The following ZNF140 variants were observed in gnomAD, a reference collection of about 807,000 sequenced individuals.
The protein encoded by ZNF140 is zinc finger protein 140 (clone pHZ-39).
In ZNF140, 13 loss-of-function variants were observed where a neutral mutation model predicts 12.9. The ratio of observed to expected loss-of-function variants is 1.01; its 90% CI spans 0.66 to 1.60. ZNF140 has a LOEUF of 1.60. Ranked by LOEUF, ZNF140 falls within the 40% of genes most tolerant of loss-of-function variation. The pLI is 0.00. For missense variants in ZNF140, 531 were observed against 548.8 expected, an observed-to-expected ratio of 0.97 and a Z score of 0.32; for synonymous variants, 214 against 186.7, an observed-to-expected ratio of 1.15 and a Z score of -1.19.
At position 133,083,225 on chromosome 12, in the gene ZNF140, A is replaced by G; in HGVS notation, c.132A>G (p.Ser44=). Residue 44 remains serine, a synonymous_variant, in exon 3 of 5, where the codon TCA becomes TCG. Transcript: ENST00000355557. ...TGGAGAACTATGGCCATCTGGTCTC[A>G]CTGGGTAAGTATTCTTCTTCATCTC... ...VMLENYGHLV[S]LGLSISKPDV... 4 of 1,611,962 alleles carry G rather than the reference A, an allele frequency of 2.5e-6. No individual in the cohort carries two copies. The highest frequency in any genetic ancestry group is 2.2e-5 in the East Asian group (1 of 44,810).
At chr12:133,089,765 T>C (rs968070791) in intron 4 of ZNF140, among the ~76,000 whole-genome samples, 63 of 152,336 alleles carry the variant, frequency 4.1e-4, no homozygotes, top group African/African-American at 1.5e-3. Context: ...TAGAGGCTTA[T>C]TGATTTTAAT....
chr12:133,099,126 C>T lies in ZNF140; in HGVS notation c.233-6384C>T, dbSNP rs868767856. ...CCTAGACCTTGTGATCTGCCCGCCT[C>T]GGCCTCCCAAAGTGCTGGGATTACA... On this transcript the variant is annotated intron_variant, in intron 4 of 4. Coordinates refer to ENST00000355557, the MANE Select transcript of ZNF140 (RefSeq NM_003440.4). 7.6e-3 allele frequency among the ~76,000 whole-genome samples: 1,146 copies of T among 150,452 alleles called. 15 individuals carry two copies. Among genetic ancestry groups the T allele is most frequent in the African/African-American group, 0.027 (1,106 of 40,874 alleles).
chr12:133,098,481 C>T (rs886341366), intron 4 of ZNF140, among the ~76,000 whole-genome samples: 66 of 151,960 alleles, frequency 4.3e-4, no homozygotes, highest in Non-Finnish European at 1.3e-4. Flanking sequence ...CTTAAGTAAT[C>T]CACCTGCCTT....
At chr12:133,090,302 C>T (rs1160333349) in intron 4 of ZNF140, among the ~76,000 whole-genome samples, 1 of 152,004 alleles carries the variant, frequency 6.6e-6, no homozygotes, top group Non-Finnish European at 1.5e-5. Flanking sequence ...ACACTCCTGA[C>T]TAAATATTTT....
At chr12:133,083,353 C>T (rs1338395357) in intron 3 of ZNF140, 113 bp from the exon 4 acceptor site, 36 of 1,486,868 alleles carry the variant, frequency 2.4e-5, no homozygotes, top group Middle Eastern at 1.8e-4. Flanking sequence ...AAGATGGGGA[C>T]GTAACTGCAC....
chr12:133,105,220 G>A (rs1955546275), intron 4 of ZNF140, among the ~76,000 whole-genome samples: 1 of 152,118 alleles, frequency 6.6e-6, no homozygotes, highest in African/African-American at 2.4e-5. Flanking sequence ...TTTAAATGGT[G>A]GTGAAGAAGA....
chr12:133,098,335 C>T (rs990042861), intron 4 of ZNF140, among the ~76,000 whole-genome samples: 1 of 152,130 alleles, frequency 6.6e-6, no homozygotes, highest in Middle Eastern at 3.4e-3. Flanking sequence ...CTCCCGAGTT[C>T]AACAGATCCT....
intron 4 of ZNF140, among the ~76,000 whole-genome samples, chr12:133,095,983 C>T (rs900714777): frequency 3.2e-4 from 48 of 151,020 alleles, no homozygotes; most frequent in Non-Finnish European, 2.5e-4. Context: ...AGACAGTGGC[C>T]TTCCTCTATC....
chr12:133,090,143 C>A (rs796877971), intron 4 of ZNF140, among the ~76,000 whole-genome samples: 2,140 of 152,058 alleles, frequency 0.014, 40 homozygotes, highest in African/African-American at 0.049. Context: ...GCCACCACAC[C>A]CAGCCTATTT....
chr12:133,101,937 A>T (rs1194220070), intron 4 of ZNF140, among the ~76,000 whole-genome samples: 3 of 151,742 alleles, frequency 2.0e-5, no homozygotes, highest in African/African-American at 7.3e-5. Flanking sequence ...TCAGATTCTG[A>T]TGCTTGTTCA....
At position 133,106,546 on chromosome 12, in the gene ZNF140, C is replaced by A; in HGVS notation, c.1269C>A (p.Ser423Arg). The change falls in exon 5 of 5, where the codon AGC becomes AGA. Residue 423 changes from serine (S) to arginine (R), a missense_variant. By Grantham distance (110) the Ser-to-Arg change is moderately radical. Coordinates refer to ENST00000355557, the MANE Select transcript of ZNF140 (RefSeq NM_003440.4). ...GTAAGGTATGCAACAAATCCTTCAG[C>A]TGGAGCTCAAACCTTGCTAAACATC... ...YVCKVCNKSF[S>R]WSSNLAKHQR... 6.2e-7 allele frequency: 1 copy of A among 1,613,960 alleles called. No homozygotes were observed.
intron 1 of ZNF140, 79 bp from the exon 2 acceptor site, chr12:133,081,194 A>AT: frequency 1.7e-6 from 1 of 576,414 alleles, no homozygotes; most frequent in Non-Finnish European, 3.1e-6. Context: ...GGCCACGGGA[A>AT]TCCCCAGTGC....
At chr12:133,097,819 A>ATGTGTGTGTGGTGTGTGTGTGTGTGTG (rs1955184568) in intron 4 of ZNF140, among the ~76,000 whole-genome samples, 1 of 143,162 alleles carries the variant, frequency 7.0e-6, no homozygotes, top group African/African-American at 2.6e-5. Context: ...ACATCTAACC[A>ATGTGTGTGTGGTGTGTGTGTGTGTGTG]TGTGTGTGTG....
intron 4 of ZNF140, among the ~76,000 whole-genome samples, chr12:133,095,929 A>C (rs1015939934): frequency 1.3e-5 from 2 of 151,216 alleles, no homozygotes; most frequent in Admixed American, 6.6e-5. Context: ...CAAATGTACA[A>C]TCGGGTTTTA....
At chr12:133,083,415 C>T in intron 3 of ZNF140, 51 bp from the exon 4 acceptor site, 2 of 1,585,428 alleles carry the variant, frequency 1.3e-6, no homozygotes, top group South Asian at 1.1e-5. Context: ...TTTGTGGCCC[C>T]TCTTAGGATT....
intron 4 of ZNF140, among the ~76,000 whole-genome samples, chr12:133,094,769 T>G (rs1955008556): frequency 6.6e-6 from 1 of 150,990 alleles, no homozygotes; most frequent in African/African-American, 2.5e-5. Flanking sequence ...TCAGGCTCCC[T>G]CCCCCAGCAC....
At chr12:133,087,963 C>G (rs1477233738) in intron 4 of ZNF140, among the ~76,000 whole-genome samples, 1 of 151,974 alleles carries the variant, frequency 6.6e-6, no homozygotes, top group African/African-American at 2.4e-5. Context: ...AAACCCGTCT[C>G]TACTAAAAAT....
Position 133,095,152 on chromosome 12 carries a change from A to T in ZNF140, c.233-10358A>T, listed in dbSNP as rs1016200027. Reference sequence around the variant, plus strand: ...AGTTGCTTGTTTTAATTCTTTGCCAATTTTTTCCCAATCTTTTAAATCTAA... The same window carrying T: ...AGTTGCTTGTTTTAATTCTTTGCCATTTTTTTCCCAATCTTTTAAATCTAA... On this transcript the variant is annotated intron_variant, in intron 4 of 4. Transcript: ENST00000355557. Among the ~76,000 whole-genome samples, 150 of 151,132 alleles carry T rather than the reference A, an allele frequency of 9.9e-4. 4 individuals carry two copies. The highest frequency in any genetic ancestry group is 3.4e-3 in the African/African-American group (139 of 40,850).
chr12:133,090,967 A>G (rs201957849), intron 4 of ZNF140, among the ~76,000 whole-genome samples: 3 of 142,324 alleles, frequency 2.1e-5, no homozygotes, highest in East Asian at 2.0e-4. Flanking sequence ...CGGTTTTGCT[A>G]CTATCTCAGA....
Sources: gnomAD v4.1 joint callset for allele counts (sites outside exome capture counted in the v4.1 genomes callset) on GRCh38, gnomAD v4.1.1 for gene constraint, MANE v1.5 for transcripts, NCBI Gene and HGNC (gene_info 2026-07-23, HGNC 2026-07-21) for gene names.